The following ITSN2 variants were observed in gnomAD, a reference collection of about 807,000 sequenced individuals.
ITSN2 encodes intersectin 2.
ITSN2 carries 156 observed loss-of-function variants against 243.7 expected under a neutral mutation model. The ratio of observed to expected loss-of-function variants is 0.64; its 90% CI spans 0.56 to 0.73. The LOEUF is 0.73. Ranked by LOEUF, ITSN2 falls within the 30% of genes least tolerant of loss-of-function variation. The pLI, the probability that ITSN2 is intolerant of heterozygous loss-of-function variation, is 0.00. For synonymous variants in ITSN2, 703 were observed against 699.9 expected (o/e 1.00, Z -0.07); for missense variants, 1,801 against 1,996.1 (o/e 0.90, Z 1.86).
chr2:24,228,055 A>G (rs2151187427), intron 29 of ITSN2, among the ~76,000 whole-genome samples: 1 of 152,324 alleles, frequency 6.6e-6, no homozygotes, highest in Admixed American at 6.5e-5. Context: ...AGAATTGAAG[A>G]ATGATACAAT....
Position 24,307,007 on chromosome 2 carries a change from T to C in ITSN2, c.793+1610A>G, listed in dbSNP as rs372331775. Among the ~76,000 whole-genome samples, 396 of 152,242 alleles carry C rather than the reference T, an allele frequency of 2.6e-3. 3 individuals are homozygous for C. The highest frequency in any genetic ancestry group is 9.2e-3 in the African/African-American group (381 of 41,540). On this transcript the variant is annotated intron_variant, in intron 8 of 39. Coordinates refer to ENST00000355123, the MANE Select transcript of ITSN2 (RefSeq NM_006277.3). ...TTTTAGTAGAGACGGGGTTTCACCA[T>C]GTTGGCCAGGATGGTCTCGATCTCT... is the stretch of plus-strand genomic sequence containing the variant.
At chr2:24,356,898 C>T (rs1025217735) in intron 1 of ITSN2, among the ~76,000 whole-genome samples, 18 of 143,382 alleles carry the variant, frequency 1.3e-4, no homozygotes, top group African/African-American at 3.5e-4. Flanking sequence ...AGTGAGACTC[C>T]GTCTCAAAAA....
In ITSN2 at chr2:24,205,257, C is replaced by T. The variant is rs148880565; in HGVS notation, c.4719G>A (p.Val1573=). The T allele has an allele frequency of 3.7e-6, 6 of 1,614,062 alleles. No homozygotes were observed. In the South Asian group the frequency reaches 5.5e-5, roughly 15 times the overall value. The part of the protein sequence containing the change: ...QKTSGIGRLM[V]HVIEATELKA... ...TTAATTCTGTAGCTTCAATGACATG[C>T]ACCATCAGGCGCCCAATGCCTGAAG... The change falls in exon 38 of 40, where the codon GTG becomes GTA. Residue 1573 remains valine, a synonymous_variant. Transcript: ENST00000355123.
At chr2:24,234,323 G>A (rs1044728171) in intron 29 of ITSN2, among the ~76,000 whole-genome samples, 1 of 151,048 alleles carries the variant, frequency 6.6e-6, no homozygotes, top group African/African-American at 2.4e-5. Flanking sequence ...ATAGACACAG[G>A]TCTCTACTGT....
chr2:24,267,263 A>C (rs959246436), intron 20 of ITSN2, among the ~76,000 whole-genome samples: 2 of 152,076 alleles, frequency 1.3e-5, no homozygotes, highest in Non-Finnish European at 2.9e-5. Context: ...GGAGGAAAGC[A>C]TTAGGAGAAA....
chr2:24,222,252 C>CAAAAAA (rs549424233), intron 29 of ITSN2, among the ~76,000 whole-genome samples: 12 of 64,980 alleles, frequency 1.8e-4, no homozygotes, highest in Admixed American at 2.1e-4. Flanking sequence ...ACTTCATCTC[C>CAAAAAA]AAAAAAAAAA....
At chr2:24,220,920 A>T in intron 30 of ITSN2, 25 bp downstream of exon 30, 4 of 1,584,106 alleles carry the variant, frequency 2.5e-6, no homozygotes, top group Non-Finnish European at 3.4e-6. Context: ...ATACCCCGAG[A>T]GCTAGCCAGC....
intron 24 of ITSN2, 131 bp from the exon 25 acceptor site, chr2:24,252,642 A>G (rs1674496741): frequency 2.1e-6 from 1 of 485,942 alleles, no homozygotes. Flanking sequence ...GAAACCTAAC[A>G]TAAAAAGATC....
At chr2:24,252,825 G>A (rs1674521931) in intron 24 of ITSN2, among the ~76,000 whole-genome samples, 1 of 152,086 alleles carries the variant, frequency 6.6e-6, no homozygotes, top group South Asian at 2.1e-4. Flanking sequence ...AATACACTGA[G>A]GCTTAGTGAG....
At chr2:24,336,815 A>T (rs1367372233) in intron 1 of ITSN2, among the ~76,000 whole-genome samples, 1 of 152,186 alleles carries the variant, frequency 6.6e-6, no homozygotes, top group Non-Finnish European at 1.5e-5. Context: ...TTACCTCCAT[A>T]TGCCTGGTTT....
At chr2:24,236,345 G>A (rs1451120767) in intron 29 of ITSN2, among the ~76,000 whole-genome samples, 1 of 152,054 alleles carries the variant, frequency 6.6e-6, no homozygotes, top group East Asian at 1.9e-4. Context: ...AAGGCTGGAG[G>A]GGGGCTTAGG....
intron 32 of ITSN2, among the ~76,000 whole-genome samples, chr2:24,213,211 C>A (rs974129811): frequency 6.6e-6 from 1 of 152,166 alleles, no homozygotes; most frequent in Non-Finnish European, 1.5e-5. Flanking sequence ...TCCCCTGGGA[C>A]ACCTTCCCTC....
chr2:24,321,842 A>T (rs533481769), intron 2 of ITSN2: 18 of 152,188 alleles, frequency 1.2e-4, no homozygotes, highest in Admixed American at 2.6e-4. Flanking sequence ...ATTGTCAGGG[A>T]CTTTATATGC....
At chr2:24,309,964 T>C (rs1048516258) in intron 7 of ITSN2, among the ~76,000 whole-genome samples, 2 of 152,164 alleles carry the variant, frequency 1.3e-5, no homozygotes, top group Non-Finnish European at 2.9e-5. Flanking sequence ...CAATGTACAA[T>C]GAGTATGAGA....
chr2:24,269,057 TG>T (rs1677020179), intron 20 of ITSN2, among the ~76,000 whole-genome samples: 1 of 92,922 alleles, frequency 1.1e-5, no homozygotes, highest in African/African-American at 3.4e-5. Flanking sequence ...TAAACTCTCC[TG>T]TTTTTTTTTT....
upstream of ITSN2, chr2:24,360,741 C>G (rs1367653606): frequency 6.5e-6 from 1 of 152,850 alleles, no homozygotes; most frequent in South Asian, 2.1e-4. Flanking sequence ...GGGGAGGCCC[C>G]GAAGCCCCAG....
intron 1 of ITSN2, among the ~76,000 whole-genome samples, chr2:24,332,427 A>G (rs761989125): frequency 6.6e-6 from 1 of 152,202 alleles, no homozygotes; most frequent in Non-Finnish European, 1.5e-5. Context: ...AAAACCTGAG[A>G]ATGAACTAAA....
chr2:24,330,172 T>A (rs1317740175), intron 1 of ITSN2, among the ~76,000 whole-genome samples: 1 of 152,174 alleles, frequency 6.6e-6, no homozygotes, highest in African/African-American at 2.4e-5. Flanking sequence ...CAACGAGGAA[T>A]GGGATCCCAT....
chr2:24,255,665 G>A (rs1475864245), intron 23 of ITSN2, among the ~76,000 whole-genome samples: 7 of 151,026 alleles, frequency 4.6e-5, no homozygotes, highest in Admixed American at 6.6e-5. Flanking sequence ...GGTGGCTCAC[G>A]CCTGTAATCC....
Sources: gnomAD v4.1 joint callset for allele counts (sites outside exome capture counted in the v4.1 genomes callset) on GRCh38, gnomAD v4.1.1 for gene constraint, MANE v1.5 for transcripts, NCBI Gene and HGNC (gene_info 2026-07-23, HGNC 2026-07-21) for gene names.